Variants in ADGRG1 observed in about 807,000 individuals in gnomAD.
ADGRG1 encodes 7-transmembrane protein with no EGF-like N-terminal domains-1.
ADGRG1 carries 53 observed loss-of-function variants against 73.5 expected under a neutral mutation model. That is an observed-to-expected ratio of 0.72 (90% CI 0.58 to 0.91). ADGRG1 has a LOEUF of 0.91. Ranked by LOEUF, ADGRG1 falls within the 40% of genes least tolerant of loss-of-function variation. The probability of loss-of-function intolerance (pLI) is 0.00; values close to 1 mark genes in which losing one functional copy is unlikely to be tolerated. For missense variants in ADGRG1, 795 were observed against 871.8 expected, an observed-to-expected ratio of 0.91 and a Z score of 1.11; for synonymous variants, 394 against 374.4, an observed-to-expected ratio of 1.05 and a Z score of -0.60.
intron 1 of ADGRG1, chr16:57,631,467 G>C: frequency 2.0e-6 from 2 of 985,594 alleles, no homozygotes; most frequent in Non-Finnish European, 2.4e-6. Context: ...GGGGAAGTCG[G>C]GTGGAAGTAG....
intron 1 of ADGRG1, chr16:57,645,320 G>T (rs542209419): frequency 1.0e-6 from 1 of 985,422 alleles, no homozygotes; most frequent in African/African-American, 1.7e-5. Flanking sequence ...CTGGAACCTG[G>T]AGATTGCCTC....
chr16:57,653,677 A>G (rs780327147), intron 4 of ADGRG1: 13 of 874,306 alleles, frequency 1.5e-5, no homozygotes, highest in Non-Finnish European at 1.8e-5. Flanking sequence ...AGCTGGGCCC[A>G]AACCCATGGT....
At chr16:57,647,902 C>T (rs2043084602) in intron 1 of ADGRG1, 1 of 332,840 alleles carries the variant, frequency 3.0e-6, no homozygotes, top group East Asian at 1.7e-4. Context: ...GTACTCCCCT[C>T]CTTTACTCTC....
At chr16:57,639,849 A>C (rs2040337053) in intron 1 of ADGRG1, 1 of 960,944 alleles carries the variant, frequency 1.0e-6, no homozygotes, top group Non-Finnish European at 1.2e-6. Flanking sequence ...CCTTCTCCCC[A>C]GCATTGATGG....
At chr16:57,635,930 T>C in intron 1 of ADGRG1, 2 of 985,376 alleles carry the variant, frequency 2.0e-6, no homozygotes, top group South Asian at 9.4e-5. Context: ...GCATATCCTA[T>C]GGTTTGCACT....
At position 57,661,971 on chromosome 16, in the gene ADGRG1, G is replaced by A. The variant is rs2047194039; in HGVS notation, c.1933+6G>A. Reference sequence around the variant, plus strand: ...CATCATCACCTCCTTCCAAGGTAAGGAGAAGACCCGTCCCTTGGCCCAGGC... The same window carrying A: ...CATCATCACCTCCTTCCAAGGTAAGAAGAAGACCCGTCCCTTGGCCCAGGC... On this transcript the variant is annotated splice_donor_region_variant and intron_variant, in intron 13 of 13. Transcript: ENST00000562631. 3 of 1,609,702 alleles carry A rather than the reference G, an allele frequency of 1.9e-6. No homozygotes were observed. Among genetic ancestry groups the A allele is most frequent in the Non-Finnish European group, 2.6e-6 (3 of 1,175,946 alleles).
chr16:57,636,629 G>GCT, intron 1 of ADGRG1: 4 of 984,842 alleles, frequency 4.1e-6, no homozygotes, highest in Non-Finnish European at 4.8e-6. Context: ...TATCAGGAAT[G>GCT]GCTATCTAGT....
chr16:57,641,310 G>A (rs1161796211), intron 1 of ADGRG1: 16 of 985,248 alleles, frequency 1.6e-5, no homozygotes, highest in Non-Finnish European at 1.8e-5. Context: ...GGTACTGACT[G>A]GTGTGTGCCC....
intron 11 of ADGRG1, 65 bp from the exon 12 acceptor site, chr16:57,660,703 G>T: frequency 6.8e-7 from 1 of 1,468,676 alleles, no homozygotes; most frequent in African/African-American, 1.4e-5. Context: ...GACTCCCTGA[G>T]GCCAGCAGGG....
At chr16:57,656,895 C>G (rs1247851091) in intron 9 of ADGRG1, among the ~76,000 whole-genome samples, 6 of 152,134 alleles carry the variant, frequency 3.9e-5, no homozygotes, top group Non-Finnish European at 7.4e-5. Context: ...TGGCCCTCAC[C>G]TAGGGTTCTG....
At chr16:57,656,323 G>A (rs1447069505) in intron 8 of ADGRG1, 52 bp downstream of exon 8, 2 of 1,437,396 alleles carry the variant, frequency 1.4e-6, no homozygotes, top group South Asian at 1.1e-5. Flanking sequence ...GAGAAATAGA[G>A]TCCTGGGGGG....
chr16:57,651,185 C>T lies in ADGRG1; in HGVS notation c.65-15C>T. 1 of 1,613,870 alleles carries T rather than the reference C, an allele frequency of 6.2e-7. No homozygotes were observed. The highest frequency in any genetic ancestry group is 1.1e-5 in the South Asian group (1 of 91,086). On this transcript the variant is annotated splice_polypyrimidine_tract_variant and intron_variant, in intron 2 of 13. Coordinates refer to ENST00000562631, the MANE Select transcript of ADGRG1 (RefSeq NM_201525.4). ...CCCTGCCACGGGGTCCCATCTGCAG[C>T]CTCTGCCTCCTCAGGTGCCCACGGC...
chr16:57,656,243 A>G lies in ADGRG1; in HGVS notation c.1035A>G (p.Gln345=), dbSNP rs1379486224. ...CCCTACAGAAGAATGTGACTCTGCA[A>G]TGTGTGTTCTGGGTTGAAGACCCCA... The part of the protein sequence containing the change: ...HQLQPKNVTL[Q]CVFWVEDPTL... Residue 345 remains glutamine (Q), a synonymous_variant, in exon 8 of 14, where the codon CAA becomes CAG. Transcript: ENST00000562631. 2.5e-6 allele frequency: 4 copies of G among 1,609,980 alleles called. No homozygotes were observed. The highest frequency in any genetic ancestry group is 3.4e-6 in the Non-Finnish European group (4 of 1,178,238).
chr16:57,644,090 T>C, intron 1 of ADGRG1: 1 of 985,116 alleles, frequency 1.0e-6, no homozygotes, highest in Non-Finnish European at 1.2e-6. Flanking sequence ...GCAAGAGCCC[T>C]GCTCTTTGCA....
Position 57,651,428 on chromosome 16 carries a change from C to T in ADGRG1, c.293C>T (p.Ala98Val). ...YHFCLYWNRH[A>V]GRLHLLYGKR... ...TTCTGCCTCTACTGGAACCGACATGCTGGGAGATTACATCTTCTCTATGGC... is the reference window on the plus strand; with the variant it reads ...TTCTGCCTCTACTGGAACCGACATGTTGGGAGATTACATCTTCTCTATGGC... Residue 98 changes from alanine to valine, a missense_variant, in exon 3 of 14, where the codon GCT (alanine) becomes GTT (valine). Ala to Val is a moderately conservative substitution (Grantham distance 64). Coordinates refer to ENST00000562631, the MANE Select transcript of ADGRG1 (RefSeq NM_201525.4). The T allele has an allele frequency of 6.2e-7, 1 of 1,614,196 alleles. No individual in the cohort carries two copies. The highest frequency in any genetic ancestry group is 8.5e-7 in the Non-Finnish European group (1 of 1,180,006).
upstream of ADGRG1, chr16:57,620,061 G>A (rs1489687982): frequency 6.6e-6 from 1 of 152,350 alleles, no homozygotes; most frequent in Non-Finnish European, 1.5e-5. Flanking sequence ...GGGTGCCTGT[G>A]GCCCTGGGAG....
At chr16:57,621,933 G>A (rs1397056439) in intron 2 of ADGRG1, 9 of 924,174 alleles carry the variant, frequency 9.7e-6, no homozygotes, top group African/African-American at 1.8e-5. Flanking sequence ...GGCCTCTTCT[G>A]CTGCCCTCTC....
At chr16:57,661,024 C>T in intron 12 of ADGRG1, 148 bp downstream of exon 12, 1 of 709,766 alleles carries the variant, frequency 1.4e-6, no homozygotes, top group South Asian at 1.5e-5. Flanking sequence ...AAGCACTGGT[C>T]TAAGAGTCAT....
chr16:57,654,074 G>C lies in ADGRG1; in HGVS notation c.709G>C (p.Val237Leu). ...CGAGGAGGACCGGATCAACGCCACG[G>C]TGTGGAAGCTCCAGCCCACAGCCGG... ...SFEEDRINAT[V>L]WKLQPTAGLQ... The change falls in exon 5 of 14, where the codon GTG becomes CTG. Residue 237 changes from valine to leucine, a missense_variant. Physicochemically the swap from Val to Leu is conservative, Grantham distance 32. Transcript: ENST00000562631. 6.2e-7 allele frequency: 1 copy of C among 1,613,974 alleles called. No homozygotes were observed. The highest frequency in any genetic ancestry group is 8.5e-7 in the Non-Finnish European group (1 of 1,180,036).
Sources: gnomAD v4.1 joint callset for allele counts (sites outside exome capture counted in the v4.1 genomes callset) on GRCh38, gnomAD v4.1.1 for gene constraint, MANE v1.5 for transcripts, NCBI Gene and HGNC (gene_info 2026-07-23, HGNC 2026-07-21) for gene names.